The following MILR1 variants were observed in gnomAD, a reference collection of about 807,000 sequenced individuals.
MILR1 encodes mast cell immunoglobulin like receptor 1, also known as allergin-1.
In MILR1, 31 loss-of-function variants were observed where a neutral mutation model predicts 18.5. The observed-to-expected ratio is 1.68, with a 90% confidence interval of 1.26 to 2.26. MILR1 has a LOEUF of 2.26. MILR1 is among the 30% of genes most tolerant of loss of function. The pLI, the probability that MILR1 is intolerant of heterozygous loss-of-function variation, is 0.00. For synonymous variants in MILR1, 85 were observed against 56.2 expected (o/e 1.51, Z -2.30); for missense variants, 257 against 157.4 (o/e 1.63, Z -3.38).
At chr17:64,469,690 C>T (rs536430960), downstream of MILR1, among the ~76,000 whole-genome samples, 19 of 152,228 alleles carry the variant, frequency 1.2e-4, no homozygotes, top group East Asian at 2.1e-3. Flanking sequence ...TGAGCCACCT[C>T]GCCTGGCCCT....
chr17:64,460,832 CT>C lies in MILR1; in HGVS notation c.664del (p.Cys222ValfsTer5). Reference protein sequence around the residue: ...VTMPSTGGDSCPFCLKLLLPG... With the variant: ...VTMPSTGGDSXPFCLKLLLPG... ...GCGGTCTTCTTCCAGGCGGAGACAG[CT>C]GTCCTTTCTGTCTGAAGCTACTACT... On this transcript the variant is annotated frameshift_variant, in exon 5 of 10. Coordinates refer to ENST00000619286, the MANE Select transcript of MILR1 (RefSeq NM_001085423.2). LOFTEE classifies it high-confidence loss of function. 2 of 475,148 alleles carry C rather than the reference CT, an allele frequency of 4.2e-6. No individual in the cohort carries two copies. The highest frequency in any genetic ancestry group is 7.7e-6 in the Non-Finnish European group (2 of 258,832). The allele number at this position is 475,148 out of a possible 1,614,324, so 29.4% of individuals were successfully genotyped here.
the MILR1 span, among the ~76,000 whole-genome samples, chr17:64,495,228 C>T: frequency 6.7e-6 from 1 of 149,740 alleles, no homozygotes; most frequent in South Asian, 2.1e-4. Flanking sequence ...GTGCTCATTG[C>T]TACTGAGGGT....
At chr17:64,475,424 G>A in the MILR1 span, among the ~76,000 whole-genome samples, 271 of 151,018 alleles carry the variant, frequency 1.8e-3, 3 homozygotes, top group African/African-American at 6.4e-3. Context: ...CGAGGCGGGC[G>A]GATCACCTGA....
rs570972693 is a variant in MILR1, at chr17:64,467,648, A to C, written c.*28+3A>C. The C allele has an allele frequency of 9.6e-5, 146 of 1,527,200 alleles. No individual in the cohort carries two copies. In the South Asian group the frequency reaches 9.7e-4, roughly 10 times the overall value. 94.6% of individuals were successfully genotyped at this position (1,527,200 alleles called of 1,614,324 possible). A position where few individuals can be genotyped will look rare whatever the true frequency, so the allele number is the denominator to read the frequency against. ...ACAGAAACAAACTACATCTCAGGGT[A>C]AGATGCTTTTTATGAAGCTGATTTC... On this transcript the variant is annotated splice_donor_region_variant and intron_variant, in intron 9 of 9. Transcript: ENST00000619286.
the MILR1 span, chr17:64,485,865 G>T: frequency 6.2e-7 from 1 of 1,613,684 alleles, no homozygotes; most frequent in South Asian, 1.1e-5. Flanking sequence ...CGTCCATCTC[G>T]GCCCTTCACA....
chr17:64,491,152 T>TC, the MILR1 span, among the ~76,000 whole-genome samples: 1 of 152,190 alleles, frequency 6.6e-6, no homozygotes, highest in Non-Finnish European at 1.5e-5. Flanking sequence ...GAGATGTGTC[T>TC]CATTCTGTTG....
chr17:64,473,675 T>TA, the MILR1 span, among the ~76,000 whole-genome samples: 1 of 152,162 alleles, frequency 6.6e-6, no homozygotes, highest in African/African-American at 2.4e-5. Flanking sequence ...AAATACAACT[T>TA]ACGAAATTTC....
chr17:64,491,269 G>A, the MILR1 span, among the ~76,000 whole-genome samples: 1 of 152,126 alleles, frequency 6.6e-6, no homozygotes, highest in Non-Finnish European at 1.5e-5. Context: ...GAGTAGCTGG[G>A]ACCACAGGTT....
At chr17:64,496,564 TG>T in the MILR1 span, 2 of 1,613,546 alleles carry the variant, frequency 1.2e-6, no homozygotes, top group African/African-American at 1.3e-5. Flanking sequence ...GCAAAGGGCC[TG>T]GTTTGTGGTG....
At chr17:64,474,871 T>C in the MILR1 span, among the ~76,000 whole-genome samples, 1 of 151,752 alleles carries the variant, frequency 6.6e-6, no homozygotes, top group Non-Finnish European at 1.5e-5. Context: ...TAGAAGGAAA[T>C]TATCAAAGAC....
chr17:64,473,337 G>A (rs8072051), downstream of MILR1, among the ~76,000 whole-genome samples: 2 of 147,488 alleles, frequency 1.4e-5, no homozygotes, highest in Non-Finnish European at 3.0e-5. Flanking sequence ...GGCGACAGAG[G>A]AAGGCTCCGT....
At position 64,467,594 on chromosome 17, in the gene MILR1, G is replaced by A. The variant is rs1424493524; in HGVS notation, c.1009G>A (p.Val337Ile). 6.4e-7 allele frequency: 1 copy of A among 1,560,888 alleles called. No homozygotes were observed. The change falls in exon 9 of 10, where the codon GTC (valine) becomes ATC (isoleucine). Residue 337 changes from valine to isoleucine, a missense_variant. By Grantham distance (29) the Val-to-Ile change is conservative. Coordinates refer to ENST00000619286, the MANE Select transcript of MILR1 (RefSeq NM_001085423.2). ...EACDSYKSGYVYSELNF is the reference protein window; with the variant it reads ...EACDSYKSGYIYSELNF ...CTGTGATTCTTATAAATCTGGATATGTCTATTCTGAACTCAACTTCTGAAA... is the reference window on the plus strand; with the variant it reads ...CTGTGATTCTTATAAATCTGGATATATCTATTCTGAACTCAACTTCTGAAA...
At chr17:64,492,818 T>C in the MILR1 span, 2 of 1,601,506 alleles carry the variant, frequency 1.2e-6, no homozygotes, top group African/African-American at 2.7e-5. Context: ...CTGAAAATTA[T>C]ATAATTTATC....
intron 5 of MILR1, among the ~76,000 whole-genome samples, chr17:64,461,922 G>T (rs2037440938): frequency 1.3e-5 from 2 of 152,166 alleles, no homozygotes; most frequent in African/African-American, 4.8e-5. Flanking sequence ...CATCCATGTT[G>T]TCATATGTGT....
At chr17:64,496,842 G>A in the MILR1 span, 29 of 1,613,634 alleles carry the variant, frequency 1.8e-5, no homozygotes, top group Middle Eastern at 8.2e-4. Context: ...GACTTCACAT[G>A]CCCTCCTTTG....
chr17:64,461,663 G>A (rs1438871191), intron 5 of MILR1, among the ~76,000 whole-genome samples: 1 of 152,082 alleles, frequency 6.6e-6, no homozygotes, highest in Non-Finnish European at 1.5e-5. Context: ...ATAGTTCGGT[G>A]GCATTAAGCA....
At chr17:64,494,287 G>C in the MILR1 span, among the ~76,000 whole-genome samples, 1 of 152,088 alleles carries the variant, frequency 6.6e-6, no homozygotes, top group Non-Finnish European at 1.5e-5. Context: ...ATACTACATA[G>C]TAGATGTGTG....
At chr17:64,453,741 G>C (rs1217186629) in intron 3 of MILR1, among the ~76,000 whole-genome samples, 1 of 151,708 alleles carries the variant, frequency 6.6e-6, no homozygotes, top group Admixed American at 6.6e-5. Flanking sequence ...GGCCTCATCC[G>C]TGAAGGTGAC....
At chr17:64,465,901 A>G (rs527467700) in intron 6 of MILR1, among the ~76,000 whole-genome samples, 6 of 152,288 alleles carry the variant, frequency 3.9e-5, no homozygotes, top group African/African-American at 1.4e-4. Flanking sequence ...CAGGCATTGC[A>G]TATTGCTTTG....
Sources: gnomAD v4.1 joint callset for allele counts (sites outside exome capture counted in the v4.1 genomes callset) on GRCh38, gnomAD v4.1.1 for gene constraint, MANE v1.5 for transcripts, NCBI Gene and HGNC (gene_info 2026-07-23, HGNC 2026-07-21) for gene names.